Variants in NETO2 observed in about 807,000 individuals in gnomAD.
The protein encoded by NETO2 is neuropilin and tolloid-like protein 2.
In NETO2, 28 loss-of-function variants were observed where a neutral mutation model predicts 62.5. The ratio of observed to expected loss-of-function variants is 0.45; its 90% CI spans 0.33 to 0.61. The LOEUF is 0.61. Ranked by LOEUF, NETO2 falls within the 20% of genes least tolerant of loss-of-function variation. The pLI, the probability that NETO2 is intolerant of heterozygous loss-of-function variation, is 0.02. For synonymous variants in NETO2, 214 were observed against 219.1 expected, an observed-to-expected ratio of 0.98 and a Z score of 0.21; for missense variants, 548 against 643.2, an observed-to-expected ratio of 0.85 and a Z score of 1.60.
At chr16:47,103,766 G>C (rs1963608257) in intron 7 of NETO2, among the ~76,000 whole-genome samples, 1 of 151,886 alleles carries the variant, frequency 6.6e-6, no homozygotes, top group Non-Finnish European at 1.5e-5. Context: ...CACATTTACA[G>C]TAAGGGAAAA....
chr16:47,093,079 G>A (rs1044914220), intron 7 of NETO2, among the ~76,000 whole-genome samples: 3 of 151,982 alleles, frequency 2.0e-5, no homozygotes, highest in Non-Finnish European at 4.4e-5. Flanking sequence ...CCCAGCTAAG[G>A]CACAGCGCTA....
At chr16:47,115,079 T>C (rs1963882133) in intron 6 of NETO2, among the ~76,000 whole-genome samples, 1 of 152,214 alleles carries the variant, frequency 6.6e-6, no homozygotes, top group Non-Finnish European at 1.5e-5. Flanking sequence ...ATCTCTGGAC[T>C]ATCTTGTTCC....
rs1482182388 is a variant in NETO2 at position 47,082,899 on chromosome 16, T to G, written c.*322A>C. On this transcript the variant is annotated 3_prime_UTR_variant, in exon 9 of 9. Transcript: ENST00000562435. ...TGTTATCAGTCAAGAGCAGTCTTCT[T>G]GTTGCTAAAACGAAGAGGCAGCCTG... 3 of 253,338 alleles carry G rather than the reference T, an allele frequency of 1.2e-5. No individual in the cohort carries two copies. The highest frequency in any genetic ancestry group is 2.2e-5 in the Non-Finnish European group (3 of 134,052). The allele number at this position is 253,338 out of a possible 1,614,324, so 15.7% of individuals were successfully genotyped here.
At chr16:47,114,891 T>TA (rs897158659) in intron 6 of NETO2, among the ~76,000 whole-genome samples, 3 of 152,198 alleles carry the variant, frequency 2.0e-5, no homozygotes, top group Non-Finnish European at 4.4e-5. Context: ...AGTTAATTTT[T>TA]AAATACAGTG....
At chr16:47,100,087 G>T (rs1037248783) in intron 7 of NETO2, among the ~76,000 whole-genome samples, 4 of 152,132 alleles carry the variant, frequency 2.6e-5, no homozygotes, top group Admixed American at 2.0e-4. Flanking sequence ...AAATGCAAAA[G>T]AACAGAAATC....
At chr16:47,094,557 C>G (rs1963389081) in intron 7 of NETO2, among the ~76,000 whole-genome samples, 2 of 150,384 alleles carry the variant, frequency 1.3e-5, no homozygotes, top group African/African-American at 4.9e-5. Context: ...TATCGAGTAG[C>G]TGGGACTACA....
At chr16:47,114,881 A>G (rs1172811039) in intron 6 of NETO2, among the ~76,000 whole-genome samples, 1 of 152,040 alleles carries the variant, frequency 6.6e-6, no homozygotes, top group Non-Finnish European at 1.5e-5. Context: ...ATTTATTTTG[A>G]GTTAATTTTT....
rs1275591739 is a variant in NETO2, at chr16:47,080,538, C to G, written c.*2683G>C. 2 of 152,202 alleles carry G rather than the reference C, an allele frequency of 1.3e-5. No homozygotes were observed. Among genetic ancestry groups the G allele is most frequent in the Admixed American group, 6.5e-5 (1 of 15,282 alleles). The allele number at this position is 152,202 out of a possible 1,614,324, so 9.4% of individuals were successfully genotyped here. On this transcript the variant is annotated 3_prime_UTR_variant, in exon 9 of 9. Transcript: ENST00000562435. The stretch of plus-strand genomic sequence containing the variant: ...TGTATATACAGCAATTAGCATTATT[C>G]TGGCAATAATGCCTAAGATTTATTA...
At chr16:47,117,123 T>C (rs1963939771) in intron 6 of NETO2, among the ~76,000 whole-genome samples, 1 of 152,208 alleles carries the variant, frequency 6.6e-6, no homozygotes, top group African/African-American at 2.4e-5. Flanking sequence ...CTCTTAGTTT[T>C]ATCATTCTTG....
chr16:47,132,106 CAAAA>C (rs1205748664), intron 1 of NETO2, 81 bp from the exon 2 acceptor site: 3 of 1,055,278 alleles, frequency 2.8e-6, no homozygotes, highest in Non-Finnish European at 4.3e-6. Flanking sequence ...AATTGGATGA[CAAAA>C]AAAGATTAAC....
chr16:47,089,125 T>C (rs1025071809), intron 7 of NETO2, among the ~76,000 whole-genome samples: 6 of 152,208 alleles, frequency 3.9e-5, no homozygotes, highest in African/African-American at 1.4e-4. Context: ...TTTAGACTTC[T>C]TTCTCTATAT....
rs112448862 is a variant in NETO2, at chr16:47,091,545, T to C, written c.884-5206A>G. On this transcript the variant is annotated intron_variant, in intron 7 of 8. Coordinates refer to ENST00000562435, the MANE Select transcript of NETO2 (RefSeq NM_018092.5). ...TATATAGTTTATTTAACCCAACATATCAGTGCAGAAAGAGTTAACATTATA... is the reference window on the plus strand; with the variant it reads ...TATATAGTTTATTTAACCCAACATACCAGTGCAGAAAGAGTTAACATTATA... Among the ~76,000 whole-genome samples, 310 of 152,298 alleles carry C rather than the reference T, an allele frequency of 2.0e-3. 4 individuals are homozygous for C. The highest frequency in any genetic ancestry group is 7.1e-3 in the African/African-American group (295 of 41,566).
At position 47,082,277 on chromosome 16, in the gene NETO2, A is replaced by G. The variant is rs1963081327; in HGVS notation, c.*944T>C. The G allele has an allele frequency of 6.6e-6, 1 of 152,524 alleles. No individual in the cohort carries two copies. The highest frequency in any genetic ancestry group is 1.5e-5 in the Non-Finnish European group (1 of 68,036). 9.4% of individuals were successfully genotyped at this position (152,524 alleles called of 1,614,324 possible). Reference sequence around the variant, plus strand: ...CTAACCTTGGTTACCATATGCTGTAAGCAAAACCAACAGAATGGGAGCTAT... The same window carrying G: ...CTAACCTTGGTTACCATATGCTGTAGGCAAAACCAACAGAATGGGAGCTAT... On this transcript the variant is annotated 3_prime_UTR_variant, in exon 9 of 9. Coordinates refer to ENST00000562435, the MANE Select transcript of NETO2 (RefSeq NM_018092.5).
At chr16:47,127,640 G>A (rs1415913386) in intron 4 of NETO2, among the ~76,000 whole-genome samples, 1 of 152,200 alleles carries the variant, frequency 6.6e-6, no homozygotes, top group African/African-American at 2.4e-5. Flanking sequence ...GGTTCCTAGA[G>A]GGAGTGAGGC....
intron 2 of NETO2, among the ~76,000 whole-genome samples, chr16:47,131,690 A>C (rs1964269107): frequency 6.6e-6 from 1 of 152,208 alleles, no homozygotes; most frequent in South Asian, 2.1e-4. Context: ...TTAGTGATAA[A>C]ATATAAATCT....
At chr16:47,122,953 G>A in intron 4 of NETO2, 41 bp from the exon 5 acceptor site, 1 of 1,577,222 alleles carries the variant, frequency 6.3e-7, no homozygotes, top group Non-Finnish European at 8.7e-7. Flanking sequence ...TACTGAGATA[G>A]TTACTTTAAT....
intron 7 of NETO2, among the ~76,000 whole-genome samples, chr16:47,106,984 A>G (rs1963690166): frequency 2.0e-5 from 3 of 151,990 alleles, no homozygotes; most frequent in Admixed American, 2.0e-4. Context: ...GTTTTGCCAC[A>G]TTGCCCAGGC....
rs1963117466 is a variant in NETO2, at chr16:47,083,550, C to T, written c.1249G>A (p.Glu417Lys). The change falls in exon 9 of 9, where the codon GAA (glutamate) becomes AAA (lysine). Residue 417 changes from glutamate to lysine, a missense_variant. Coordinates refer to ENST00000562435, the MANE Select transcript of NETO2 (RefSeq NM_018092.5). Reference sequence around the variant, plus strand: ...ATCTTCTGGTAGTTGTCCAATTCTTCCGACAAGTCTGCCAGGTCTGCAGAA... The same window carrying T: ...ATCTTCTGGTAGTTGTCCAATTCTTTCGACAAGTCTGCCAGGTCTGCAGAA... ...EISADLADLS[E>K]ELDNYQKMRR... 6.2e-7 allele frequency: 1 copy of T among 1,614,186 alleles called. No individual in the cohort carries two copies. Among genetic ancestry groups the T allele is most frequent in the African/African-American group, 1.3e-5 (1 of 75,038 alleles).
In NETO2 at chr16:47,143,690, G is replaced by A. The variant is rs1353069604; in HGVS notation, c.-78C>T. The A allele has an allele frequency of 8.2e-7, 1 of 1,213,490 alleles. No homozygotes were observed. The highest frequency in any genetic ancestry group is 1.6e-5 in the African/African-American group (1 of 63,388). The allele number at this position is 1,213,490 out of a possible 1,614,324, so 75.2% of individuals were successfully genotyped here. On this transcript the variant is annotated 5_prime_UTR_variant, in exon 1 of 9. Transcript: ENST00000562435. ...CTCGGCGCTCACGGCTCGGCGCGGC[G>A]GCGACGGCCCCACTCCGTCCCCATC...
Sources: gnomAD v4.1 joint callset for allele counts (sites outside exome capture counted in the v4.1 genomes callset) on GRCh38, gnomAD v4.1.1 for gene constraint, MANE v1.5 for transcripts, NCBI Gene and HGNC (gene_info 2026-07-23, HGNC 2026-07-21) for gene names.